The following SGCE variants were observed in gnomAD, a reference collection of about 807,000 sequenced individuals.
The protein encoded by SGCE is epsilon-sarcoglycan.
In SGCE, 26 loss-of-function variants were observed where a neutral mutation model predicts 57.8. The ratio of observed to expected loss-of-function variants is 0.45; its 90% CI spans 0.33 to 0.62. The LOEUF is 0.62. Among genes scored for constraint, SGCE ranks in the 20% least tolerant of loss-of-function variants. The pLI, the probability that SGCE is intolerant of heterozygous loss-of-function variation, is 0.02. For missense variants in SGCE, 468 were observed against 548.6 expected (o/e 0.85, Z 1.47); for synonymous variants, 183 against 189.5 (o/e 0.97, Z 0.28).
chr7:94,590,748 G>C (rs887189431), intron 9 of SGCE: 2 of 152,142 alleles, frequency 1.3e-5, no homozygotes, highest in African/African-American at 4.8e-5. Context: ...AATCCTGTCA[G>C]CTTTGTTTTC....
At chr7:94,587,128 C>T (rs926343139) in intron 10 of SGCE, 21 of 983,574 alleles carry the variant, frequency 2.1e-5, no homozygotes, top group Non-Finnish European at 2.5e-5. Flanking sequence ...GTTAAACAAC[C>T]TTAAAATCCC....
chr7:94,600,231 C>T (rs955248030), intron 7 of SGCE: 1 of 203,728 alleles, frequency 4.9e-6, no homozygotes, highest in East Asian at 1.3e-4. Context: ...AATTGTGTTA[C>T]CCTGTTTGAC....
intron 4 of SGCE, chr7:94,620,354 ATTGTCAC>A (rs1802564868): frequency 6.6e-6 from 1 of 152,106 alleles, no homozygotes; most frequent in African/African-American, 2.4e-5. Context: ...TATCTCCTAT[ATTGTCAC>A]TTGTTCTGCT....
intron 4 of SGCE, chr7:94,621,760 C>A (rs929717033): frequency 1.3e-5 from 2 of 152,152 alleles, no homozygotes; most frequent in African/African-American, 4.8e-5. Context: ...TATTCCAATT[C>A]TACAGGGCCA....
intron 1 of SGCE, among the ~76,000 whole-genome samples, chr7:94,651,946 T>G (rs9641141): frequency 0.19 from 29,638 of 152,032 alleles, 2,969 homozygotes; most frequent in East Asian, 0.32. Context: ...TATTTTTTTT[T>G]TTTGTTTCTC....
At chr7:94,615,080 G>T (rs1801667259) in intron 5 of SGCE, among the ~76,000 whole-genome samples, 1 of 152,176 alleles carries the variant, frequency 6.6e-6, no homozygotes, top group South Asian at 2.1e-4. Context: ...GGGCAATTCA[G>T]CCAGGCACAG....
intron 1 of SGCE, chr7:94,639,232 TAAC>T (rs1342720318): frequency 2.5e-5 from 17 of 684,186 alleles, no homozygotes; most frequent in Non-Finnish European, 3.6e-5. Context: ...TCAGACTTAC[TAAC>T]AACAACAACA....
chr7:94,647,791 T>C (rs1371206891), intron 1 of SGCE, among the ~76,000 whole-genome samples: 1 of 152,202 alleles, frequency 6.6e-6, no homozygotes, highest in African/African-American at 2.4e-5. Context: ...TCCTTACTAA[T>C]ATTTACTCAT....
At chr7:94,589,007 T>C (rs1459646998) in intron 9 of SGCE, 1 of 438,744 alleles carries the variant, frequency 2.3e-6, no homozygotes, top group Non-Finnish European at 4.2e-6. Context: ...GTTAATATTT[T>C]TCCCATTTTA....
intron 1 of SGCE, among the ~76,000 whole-genome samples, chr7:94,630,787 C>A (rs1035351059): frequency 1.3e-5 from 2 of 151,854 alleles, no homozygotes; most frequent in African/African-American, 4.8e-5. Flanking sequence ...CCAGTTCTTT[C>A]TTTTAAGTCA....
At chr7:94,651,729 T>C (rs1207475958) in intron 1 of SGCE, among the ~76,000 whole-genome samples, 1 of 152,226 alleles carries the variant, frequency 6.6e-6, no homozygotes, top group African/African-American at 2.4e-5. Context: ...ATTTGTTTTT[T>C]ACTTAATACT....
At chr7:94,585,944 T>C (rs1796827093) in intron 10 of SGCE, among the ~76,000 whole-genome samples, 1 of 151,572 alleles carries the variant, frequency 6.6e-6, no homozygotes, top group Non-Finnish European at 1.5e-5. Context: ...AGTGCAATTG[T>C]CAGCTTTTAA....
At chr7:94,630,863 A>G (rs535614567) in intron 1 of SGCE, among the ~76,000 whole-genome samples, 8 of 151,942 alleles carry the variant, frequency 5.3e-5, no homozygotes, top group Non-Finnish European at 7.4e-5. Flanking sequence ...CAAGCTCACA[A>G]CTTACTAAAA....
chr7:94,638,650 A>G (rs977985741), intron 1 of SGCE, among the ~76,000 whole-genome samples: 1 of 152,196 alleles, frequency 6.6e-6, no homozygotes, highest in African/African-American at 2.4e-5. Context: ...AAAAAAAAAA[A>G]AAAGAAATAT....
At chr7:94,587,923 C>T in intron 10 of SGCE, 1 of 1,446,406 alleles carries the variant, frequency 6.9e-7, no homozygotes, top group Admixed American at 3.2e-5. Flanking sequence ...GTTTCCCTAC[C>T]ACAATGCCGC....
intron 6 of SGCE, 116 bp from the exon 7 acceptor site, chr7:94,600,973 C>T: frequency 1.2e-6 from 1 of 862,582 alleles, no homozygotes; most frequent in South Asian, 1.5e-5. Flanking sequence ...CCATCTTTTC[C>T]AATTACTTTA....
intron 1 of SGCE, among the ~76,000 whole-genome samples, chr7:94,642,786 C>T (rs970843007): frequency 6.6e-6 from 1 of 152,146 alleles, no homozygotes; most frequent in Non-Finnish European, 1.5e-5. Context: ...CTACAATGTT[C>T]CAAAGAACAA....
chr7:94,587,054 T>G, intron 10 of SGCE: 1 of 984,996 alleles, frequency 1.0e-6, no homozygotes, highest in Non-Finnish European at 1.2e-6. Flanking sequence ...AGCAAAGCTT[T>G]CTTGACTCAA....
rs756382042 is a variant in SGCE at position 94,656,102 on chromosome 7, T to C, written c.-4A>G. 3.2e-6 allele frequency: 5 copies of C among 1,585,938 alleles called. No homozygotes were observed. Among genetic ancestry groups the C allele is most frequent in the Middle Eastern group, 3.3e-4 (2 of 6,030 alleles). The stretch of plus-strand genomic sequence containing the variant: ...CCCACCACCGGGGCAATTGCATTCT[T>C]GGCCTGGCTAGGCCGTCCGTCCTCG... On this transcript the variant is annotated 5_prime_UTR_variant, in exon 1 of 11. Coordinates refer to ENST00000648936, the MANE Select transcript of SGCE (RefSeq NM_003919.3).
Sources: allele counts gnomAD v4.1 joint callset (sites outside exome capture counted in the v4.1 genomes callset), GRCh38; gene constraint gnomAD v4.1.1; transcripts MANE v1.5; gene names NCBI Gene and HGNC (gene_info 2026-07-23, HGNC 2026-07-21).